The following CDYL2 variants were observed in gnomAD, a reference collection of about 807,000 sequenced individuals.
CDYL2 encodes chromodomain Y like 2.
CDYL2 carries 23 observed loss-of-function variants against 49.4 expected under a neutral mutation model. The ratio of observed to expected loss-of-function variants is 0.47; its 90% CI spans 0.34 to 0.66. The LOEUF (loss-of-function observed/expected upper bound fraction) is 0.66. Among genes scored for constraint, CDYL2 ranks in the 30% least tolerant of loss-of-function variants. The pLI, the probability that CDYL2 is intolerant of heterozygous loss-of-function variation, is 0.01. For missense variants in CDYL2, 678 were observed against 656.4 expected (o/e 1.03, Z -0.36); for synonymous variants, 360 against 268.8 (o/e 1.34, Z -3.32).
chr16:80,654,670 A>G (rs1908729139), intron 2 of CDYL2, among the ~76,000 whole-genome samples: 1 of 152,156 alleles, frequency 6.6e-6, no homozygotes. Flanking sequence ...AGGGACCAGA[A>G]AACGCTCCAC....
At position 80,804,238 on chromosome 16, in the gene CDYL2, C is replaced by T; in HGVS notation, c.-65G>A. 3 of 1,309,858 alleles carry T rather than the reference C, an allele frequency of 2.3e-6. No homozygotes were observed. The highest frequency in any genetic ancestry group is 4.0e-5 in the East Asian group (1 of 24,850). 81.1% of individuals were successfully genotyped at this position (1,309,858 alleles called of 1,614,324 possible). A position where few individuals can be genotyped will look rare whatever the true frequency, so the allele number is the denominator to read the frequency against. ...CTCGCTCGCGCCCTCCGTGCGTGTG[C>T]GCGCGGGGTCCGGTGTGCGCGTGTG... On this transcript the variant is annotated 5_prime_UTR_variant, in exon 1 of 7. Transcript: ENST00000570137.
chr16:80,757,516 G>A (rs916660986), intron 1 of CDYL2, among the ~76,000 whole-genome samples: 11 of 145,566 alleles, frequency 7.6e-5, no homozygotes, highest in African/African-American at 2.8e-4. Flanking sequence ...TCCAGCCTGA[G>A]TGACAGAGCA....
At chr16:80,772,751 CA>C (rs1906949455) in intron 1 of CDYL2, among the ~76,000 whole-genome samples, 1 of 151,870 alleles carries the variant, frequency 6.6e-6, no homozygotes, top group Non-Finnish European at 1.5e-5. Context: ...ACGCCTGGCC[CA>C]AAATGCCAAT....
chr16:80,672,224 A>G (rs1042328129), intron 2 of CDYL2, among the ~76,000 whole-genome samples: 1 of 152,030 alleles, frequency 6.6e-6, no homozygotes, highest in African/African-American at 2.4e-5. Flanking sequence ...TAAAATTCCA[A>G]TATGAAGAGT....
chr16:80,741,824 A>T (rs1905746699), intron 1 of CDYL2, among the ~76,000 whole-genome samples: 2 of 152,172 alleles, frequency 1.3e-5, no homozygotes, highest in African/African-American at 4.8e-5. Flanking sequence ...CATACGGGGG[A>T]GCTGTTAATG....
chr16:80,738,407 T>A (rs79319845), intron 1 of CDYL2, among the ~76,000 whole-genome samples: 237 of 144,960 alleles, frequency 1.6e-3, no homozygotes, highest in Admixed American at 5.3e-3. Context: ...ATTTTTTTTT[T>A]AAAAAAAGGA....
intron 5 of CDYL2, among the ~76,000 whole-genome samples, chr16:80,611,618 G>C (rs1193902892): frequency 6.6e-6 from 1 of 152,202 alleles, no homozygotes; most frequent in Non-Finnish European, 1.5e-5. Context: ...TCGGAGCACA[G>C]ACAGTGGAAC....
At chr16:80,618,922 A>C (rs1369876215) in intron 4 of CDYL2, among the ~76,000 whole-genome samples, 1 of 152,220 alleles carries the variant, frequency 6.6e-6, no homozygotes, top group Non-Finnish European at 1.5e-5. Flanking sequence ...TTCCCAGGGA[A>C]CAGTCACCAC....
chr16:80,652,117 T>G (rs1254697903), intron 2 of CDYL2, among the ~76,000 whole-genome samples: 1 of 152,050 alleles, frequency 6.6e-6, no homozygotes, highest in Non-Finnish European at 1.5e-5. Context: ...GGGCCCAGAA[T>G]CAATGACATC....
chr16:80,786,835 C>T (rs965961255), intron 1 of CDYL2, among the ~76,000 whole-genome samples: 1 of 152,100 alleles, frequency 6.6e-6, no homozygotes, highest in African/African-American at 2.4e-5. Flanking sequence ...AAACCAAACA[C>T]CGCATGTTCT....
At chr16:80,792,128 C>T (rs1305937812) in intron 1 of CDYL2, among the ~76,000 whole-genome samples, 1 of 152,104 alleles carries the variant, frequency 6.6e-6, no homozygotes, top group African/African-American at 2.4e-5. Context: ...AAGGAAGATC[C>T]TAACTTCAAC....
At chr16:80,779,892 AT>A (rs1343062720) in intron 1 of CDYL2, among the ~76,000 whole-genome samples, 2 of 152,120 alleles carry the variant, frequency 1.3e-5, no homozygotes, top group Non-Finnish European at 2.9e-5. Flanking sequence ...TATTTTCTAT[AT>A]TTTTTAAATT....
intron 1 of CDYL2, among the ~76,000 whole-genome samples, chr16:80,697,147 G>A (rs145042376): frequency 2.6e-4 from 39 of 152,280 alleles, no homozygotes; most frequent in African/African-American, 9.1e-4. Flanking sequence ...CAACATCCCT[G>A]ATGAACGTAG....
intron 2 of CDYL2, among the ~76,000 whole-genome samples, chr16:80,642,243 G>C (rs1908128961): frequency 6.6e-6 from 1 of 152,230 alleles, no homozygotes; most frequent in South Asian, 2.1e-4. Context: ...AGGAGTTCGT[G>C]ACCAGACTGG....
chr16:80,627,038 T>C (rs995571914), intron 3 of CDYL2, among the ~76,000 whole-genome samples: 2 of 152,032 alleles, frequency 1.3e-5, no homozygotes, highest in African/African-American at 4.8e-5. Context: ...TGTTGGATGA[T>C]TTTTTTTAAT....
intron 1 of CDYL2, among the ~76,000 whole-genome samples, chr16:80,737,512 C>G (rs1905577802): frequency 1.3e-5 from 2 of 152,188 alleles, no homozygotes; most frequent in Admixed American, 6.5e-5. Flanking sequence ...CTGTACCTTG[C>G]TCTAGGTACC....
intron 2 of CDYL2, 107 bp from the exon 3 acceptor site, chr16:80,633,343 G>T (rs73592253): frequency 4.5e-6 from 5 of 1,106,966 alleles, no homozygotes; most frequent in Non-Finnish European, 6.6e-6. Context: ...GGATGTGCTG[G>T]GACACACCAC....
intron 1 of CDYL2, among the ~76,000 whole-genome samples, chr16:80,687,813 T>C (rs937361683): frequency 1.3e-5 from 2 of 152,200 alleles, no homozygotes; most frequent in Admixed American, 1.3e-4. Flanking sequence ...GGCAGAAGTA[T>C]AGCGCCTATC....
chr16:80,710,925 T>A (rs1904574393), intron 1 of CDYL2, among the ~76,000 whole-genome samples: 1 of 152,262 alleles, frequency 6.6e-6, no homozygotes, highest in Non-Finnish European at 1.5e-5. Context: ...TTTGAAATTT[T>A]AGTTTCATGA....
Sources: gnomAD v4.1 joint callset for allele counts (sites outside exome capture counted in the v4.1 genomes callset) on GRCh38, gnomAD v4.1.1 for gene constraint, MANE v1.5 for transcripts, NCBI Gene and HGNC (gene_info 2026-07-23, HGNC 2026-07-21) for gene names.